AFF3: variants seen among roughly 807,000 people sequenced by gnomAD.
AFF3 encodes the protein ALF transcription elongation factor 3, also known as AF4/FMR2 family member 3.
Under a neutral mutation model 129.7 loss-of-function variants are expected in AFF3, and 32 were observed. The observed-to-expected ratio is 0.25, with a 90% CI of 0.19 to 0.33. The LOEUF (loss-of-function observed/expected upper bound fraction) is 0.33, where lower values mean the gene tolerates loss of function less well. Ranked by LOEUF, AFF3 falls within the 10% of genes least tolerant of loss-of-function variation. The pLI is 1.00. For synonymous variants in AFF3, 644 were observed against 635.4 expected, an observed-to-expected ratio of 1.01 and a Z score of -0.20; for missense variants, 1,373 against 1,592.0, an observed-to-expected ratio of 0.86 and a Z score of 2.34.
At position 100,105,439 on chromosome 2, in the gene AFF3, G is replaced by GT. The variant is rs904301777; in HGVS notation, c.-65+64dup. 9 of 1,320,330 alleles carry GT rather than the reference G, an allele frequency of 6.8e-6. No homozygotes were observed. In the African/African-American group the frequency reaches 1.4e-4, roughly 20 times the overall value. 81.8% of individuals were successfully genotyped at this position (1,320,330 alleles called of 1,614,324 possible). A position where few individuals can be genotyped will look rare whatever the true frequency, so the allele number is the denominator to read the frequency against. On this transcript the variant is annotated intron_variant, in intron 3 of 24. Coordinates refer to ENST00000672756, the MANE Select transcript of AFF3 (RefSeq NM_001386135.1). ...CTCCGTTGCGGTTTGGCCTCCAGTG[G>GT]TGGTCCCACCCACCCTCTAGCTGGC...
chr2:99,701,342 C>A (rs1000451331), intron 11 of AFF3, among the ~76,000 whole-genome samples: 2 of 152,180 alleles, frequency 1.3e-5, no homozygotes, highest in Non-Finnish European at 2.9e-5. Flanking sequence ...TACCTCATGA[C>A]TTCCTGCTAG....
intron 19 of AFF3, among the ~76,000 whole-genome samples, chr2:99,566,712 C>G (rs757062947): frequency 3.3e-5 from 5 of 152,336 alleles, no homozygotes; most frequent in Non-Finnish European, 5.9e-5. Context: ...CCTTACTACT[C>G]TTTGTAGGTA....
chr2:99,732,092 C>T (rs1157454416), intron 10 of AFF3, among the ~76,000 whole-genome samples: 2 of 152,162 alleles, frequency 1.3e-5, no homozygotes, highest in African/African-American at 2.4e-5. Flanking sequence ...CAGTGGCTCA[C>T]GCCTGTAATC....
intron 12 of AFF3, among the ~76,000 whole-genome samples, chr2:99,669,274 A>T (rs933135004): frequency 2.0e-5 from 3 of 152,230 alleles, no homozygotes; most frequent in Admixed American, 2.0e-4. Context: ...TGCTGATAAG[A>T]GCACACTATT....
chr2:100,113,783 A>G (rs900048469), intron 2 of AFF3, among the ~76,000 whole-genome samples: 1 of 152,336 alleles, frequency 6.6e-6, no homozygotes, highest in Non-Finnish European at 1.5e-5. Flanking sequence ...CATTCCAGGC[A>G]GAGGGAAAAC....
At chr2:99,957,675 T>A (rs1676795362) in intron 7 of AFF3, among the ~76,000 whole-genome samples, 1 of 152,286 alleles carries the variant, frequency 6.6e-6, no homozygotes, top group Admixed American at 6.5e-5. Context: ...TGACAGACAA[T>A]AAACCACTGT....
At chr2:99,698,215 T>C (rs1439606346) in intron 11 of AFF3, among the ~76,000 whole-genome samples, 1 of 152,156 alleles carries the variant, frequency 6.6e-6, no homozygotes, top group Non-Finnish European at 1.5e-5. Flanking sequence ...TGGAGTACTG[T>C]TTTAGTAGCT....
At chr2:99,955,397 G>C (rs1676545713) in intron 7 of AFF3, among the ~76,000 whole-genome samples, 1 of 152,178 alleles carries the variant, frequency 6.6e-6, no homozygotes, top group South Asian at 2.1e-4. Flanking sequence ...CTTTACTACT[G>C]TGAACTCAAG....
chr2:100,077,420 C>T (rs574442940), intron 4 of AFF3, among the ~76,000 whole-genome samples: 1 of 152,130 alleles, frequency 6.6e-6, no homozygotes, highest in East Asian at 1.9e-4. Flanking sequence ...GAATGTGGAG[C>T]TCCTCTAGAA....
At chr2:99,668,839 G>T (rs1686911223) in intron 12 of AFF3, among the ~76,000 whole-genome samples, 2 of 152,168 alleles carry the variant, frequency 1.3e-5, no homozygotes, top group Non-Finnish European at 2.9e-5. Context: ...TGGGATTACA[G>T]GCCTGAGCCA....
At chr2:99,923,642 A>G (rs1246401198) in intron 7 of AFF3, among the ~76,000 whole-genome samples, 1 of 152,214 alleles carries the variant, frequency 6.6e-6, no homozygotes, top group Non-Finnish European at 1.5e-5. Flanking sequence ...GTTGTTCAAA[A>G]TGGCAAATGA....
At chr2:99,651,447 T>C (rs1685245005) in intron 12 of AFF3, among the ~76,000 whole-genome samples, 1 of 144,566 alleles carries the variant, frequency 6.9e-6, no homozygotes, top group South Asian at 2.2e-4. Flanking sequence ...ATGGTTACTG[T>C]TTTTTTTTTT....
chr2:99,554,659 T>C (rs770185447), intron 23 of AFF3, 24 bp downstream of exon 23: 62 of 1,613,996 alleles, frequency 3.8e-5, no homozygotes, highest in Non-Finnish European at 4.8e-5. Flanking sequence ...GCTTACGGCA[T>C]TGACTTTGGA....
chr2:100,068,875 G>A (rs545760893), intron 4 of AFF3, among the ~76,000 whole-genome samples: 16 of 152,306 alleles, frequency 1.1e-4, no homozygotes, highest in Non-Finnish European at 2.1e-4. Context: ...ATGAGGTGGA[G>A]AGTCACACAG....
intron 7 of AFF3, among the ~76,000 whole-genome samples, chr2:99,918,844 A>G (rs1695662180): frequency 6.6e-6 from 1 of 152,218 alleles, no homozygotes; most frequent in Non-Finnish European, 1.5e-5. Flanking sequence ...AAAATTCAGT[A>G]GAAAAACTTT....
chr2:100,002,935 A>G (rs1464608746), intron 7 of AFF3, among the ~76,000 whole-genome samples: 1 of 152,184 alleles, frequency 6.6e-6, no homozygotes, highest in Non-Finnish European at 1.5e-5. Flanking sequence ...ATCACCTAAC[A>G]TATACATACG....
intron 7 of AFF3, among the ~76,000 whole-genome samples, chr2:99,985,625 A>G (rs1262522115): frequency 6.6e-6 from 1 of 152,250 alleles, no homozygotes; most frequent in Non-Finnish European, 1.5e-5. Flanking sequence ...AACAACATGG[A>G]TGAACCCCAC....
chr2:99,809,528 A>G (rs1686627109), intron 8 of AFF3, among the ~76,000 whole-genome samples: 1 of 152,218 alleles, frequency 6.6e-6, no homozygotes, highest in South Asian at 2.1e-4. Flanking sequence ...CGGCTAGTGA[A>G]TTGGAAAGCT....
chr2:99,611,802 G>A (rs562591589), intron 13 of AFF3, among the ~76,000 whole-genome samples: 39 of 152,012 alleles, frequency 2.6e-4, no homozygotes, highest in South Asian at 1.2e-3. Context: ...CAGGAGAATC[G>A]CTTGAACATG....
Sources: allele counts gnomAD v4.1 joint callset (sites outside exome capture counted in the v4.1 genomes callset), GRCh38; gene constraint gnomAD v4.1.1; transcripts MANE v1.5; gene names NCBI Gene and HGNC (gene_info 2026-07-23, HGNC 2026-07-21).